The following CMSS1 variants were observed in gnomAD, a reference collection of about 807,000 sequenced individuals.
CMSS1 encodes the protein cms1 ribosomal small subunit homolog.
A neutral mutation model predicts 43.5 loss-of-function variants in CMSS1; 33 were observed. The observed-to-expected ratio is 0.76, with a 90% confidence interval of 0.57 to 1.01. CMSS1 has a LOEUF of 1.01. Among genes scored for constraint, CMSS1 ranks in the 50% least tolerant of loss-of-function variants. The pLI, the probability that CMSS1 is intolerant of heterozygous loss-of-function variation, is 0.00. For synonymous variants in CMSS1, 115 were observed against 117.2 expected, an observed-to-expected ratio of 0.98 and a Z score of 0.12; for missense variants, 313 against 326.4, an observed-to-expected ratio of 0.96 and a Z score of 0.32.
intron 1 of CMSS1, chr3:100,023,554 G>T (rs1031245119): frequency 4.6e-5 from 7 of 152,574 alleles, no homozygotes; most frequent in East Asian, 1.9e-4. Context: ...CAGTTTCTTG[G>T]GGGGAGAGAA....
At chr3:99,825,646 G>A (rs1942522137) in intron 1 of CMSS1, among the ~76,000 whole-genome samples, 1 of 152,022 alleles carries the variant, frequency 6.6e-6, no homozygotes, top group African/African-American at 2.4e-5. Context: ...TTTGCTAAAT[G>A]TCCATGAATC....
chr3:99,845,166 T>G (rs1479744666), intron 1 of CMSS1, among the ~76,000 whole-genome samples: 1 of 152,160 alleles, frequency 6.6e-6, no homozygotes, highest in East Asian at 1.9e-4. Context: ...GTGTACAGAT[T>G]CAAGTGTAGT....
chr3:100,036,493 G>T (rs2107275713), intron 1 of CMSS1, among the ~76,000 whole-genome samples: 1 of 152,252 alleles, frequency 6.6e-6, no homozygotes, highest in South Asian at 2.1e-4. Flanking sequence ...AATAAAATAA[G>T]AATTCATGAG....
At chr3:99,932,847 C>T (rs914653282) in intron 1 of CMSS1, among the ~76,000 whole-genome samples, 3 of 152,252 alleles carry the variant, frequency 2.0e-5, no homozygotes, top group African/African-American at 4.8e-5. Flanking sequence ...GCCAAGATCG[C>T]GCCCGGCACT....
At chr3:99,929,931 C>T in intron 1 of CMSS1, 1 of 1,614,098 alleles carries the variant, frequency 6.2e-7, no homozygotes, top group Non-Finnish European at 8.5e-7. Flanking sequence ...TCTGGAGAGC[C>T]TCTAACACCT....
chr3:100,176,505 C>T (rs2067149481), intron 9 of CMSS1, 90 bp downstream of exon 9: 2 of 784,724 alleles, frequency 2.5e-6, no homozygotes, highest in African/African-American at 1.7e-5. Context: ...CATGAGGAGC[C>T]AGCACATGTT....
intron 2 of CMSS1, among the ~76,000 whole-genome samples, chr3:100,159,567 A>G (rs1254233563): frequency 6.6e-6 from 1 of 152,224 alleles, no homozygotes; most frequent in Non-Finnish European, 1.5e-5. Flanking sequence ...AACTCAGAAT[A>G]AGTTTTCACT....
intron 1 of CMSS1, among the ~76,000 whole-genome samples, chr3:100,076,428 T>C (rs1034372357): frequency 6.6e-6 from 1 of 152,238 alleles, no homozygotes; most frequent in Non-Finnish European, 1.5e-5. Context: ...TTTATCATTG[T>C]CAGCATGTGC....
At chr3:100,137,541 G>T (rs1345995697) in intron 1 of CMSS1, among the ~76,000 whole-genome samples, 1 of 151,534 alleles carries the variant, frequency 6.6e-6, no homozygotes, top group Non-Finnish European at 1.5e-5. Flanking sequence ...AGATAAAAGA[G>T]ATTAAAATTC....
intron 1 of CMSS1, among the ~76,000 whole-genome samples, chr3:100,045,676 T>A (rs759202257): frequency 6.6e-6 from 1 of 152,228 alleles, no homozygotes; most frequent in Non-Finnish European, 1.5e-5. Context: ...GATTGATTTG[T>A]TGAGAAATAT....
intron 1 of CMSS1, among the ~76,000 whole-genome samples, chr3:99,901,283 G>A (rs1347518268): frequency 6.6e-6 from 1 of 152,164 alleles, no homozygotes; most frequent in Non-Finnish European, 1.5e-5. Flanking sequence ...AATGAGAAGA[G>A]TAGTCTCCCT....
intron 1 of CMSS1, among the ~76,000 whole-genome samples, chr3:99,936,484 T>C (rs1707675140): frequency 1.0e-5 from 1 of 99,632 alleles, no homozygotes; most frequent in Non-Finnish European, 2.0e-5. Context: ...CAAGCAATTC[T>C]CCTGCCTCAG....
chr3:100,109,956 AC>A (rs1265327560), intron 1 of CMSS1: 1 of 114,906 alleles, frequency 8.7e-6, no homozygotes, highest in Non-Finnish European at 1.6e-5. Context: ...TAACTTCTGT[AC>A]CCATACCCAC....
At chr3:100,009,993 A>G (rs1710097597) in intron 1 of CMSS1, 1 of 155,882 alleles carries the variant, frequency 6.4e-6, no homozygotes, top group Non-Finnish European at 1.4e-5. Flanking sequence ...GTGTTTCCTG[A>G]TCTGGTATAG....
rs569410633 is a variant in CMSS1, at chr3:100,156,736, C to G, written c.154-3694C>G. Among the ~76,000 whole-genome samples the G allele has an allele frequency of 1.2e-4, 19 of 152,336 alleles. No homozygotes were observed. In the South Asian group the frequency reaches 3.5e-3, roughly 28 times the overall value. On this transcript the variant is annotated intron_variant, in intron 2 of 9. Transcript: ENST00000421999. ...GTTCACTCCATTCTCCTGCCTCAGCCTCCCAAGTAGCTGGGACTACAGGCG... is the reference window on the plus strand; with the variant it reads ...GTTCACTCCATTCTCCTGCCTCAGCGTCCCAAGTAGCTGGGACTACAGGCG...
chr3:99,972,964 T>G (rs1708865651), intron 1 of CMSS1, among the ~76,000 whole-genome samples: 1 of 152,180 alleles, frequency 6.6e-6, no homozygotes, highest in Admixed American at 6.5e-5. Context: ...CTTCACACCT[T>G]TGGCAATAAA....
At chr3:99,912,687 T>G (rs1706831067) in intron 1 of CMSS1, among the ~76,000 whole-genome samples, 1 of 152,190 alleles carries the variant, frequency 6.6e-6, no homozygotes, top group Non-Finnish European at 1.5e-5. Context: ...CCACAGAGCT[T>G]CTTTTCAATT....
intron 1 of CMSS1, among the ~76,000 whole-genome samples, chr3:99,988,954 C>T (rs558602966): frequency 6.6e-6 from 1 of 152,172 alleles, no homozygotes; most frequent in Non-Finnish European, 1.5e-5. Flanking sequence ...ACGGAATTAT[C>T]AGAAGTGTAG....
intron 1 of CMSS1, among the ~76,000 whole-genome samples, chr3:99,915,204 T>C (rs1706914532): frequency 6.6e-6 from 1 of 152,186 alleles, no homozygotes. Flanking sequence ...CCGAAGGGAA[T>C]GAATCCAGAA....
Sources: allele counts gnomAD v4.1 joint callset (sites outside exome capture counted in the v4.1 genomes callset), GRCh38; gene constraint gnomAD v4.1.1; transcripts MANE v1.5; gene names NCBI Gene and HGNC (gene_info 2026-07-23, HGNC 2026-07-21).